Variants in TMEM74 observed in about 807,000 individuals in gnomAD.
TMEM74 encodes the protein transmembrane protein 74.
TMEM74 carries 13 observed loss-of-function variants against 18.1 expected under a neutral mutation model. That is an observed-to-expected ratio of 0.72 (90% CI 0.47 to 1.14). TMEM74 has a LOEUF of 1.14. TMEM74 is among the 50% of genes most tolerant of loss of function. TMEM74 has a pLI of 0.00. For synonymous variants in TMEM74, 159 were observed against 146.6 expected, an observed-to-expected ratio of 1.08 and a Z score of -0.61; for missense variants, 372 against 375.9, an observed-to-expected ratio of 0.99 and a Z score of 0.09.
chr8:108,652,744 A>T lies in TMEM74; in HGVS notation n.264+2549T>A. ...CTAAGCAAAGAGATTCTTTTGGAAG[A>T]CAAACACTCAGGACAAAGGCTGTGT... On this transcript the variant is annotated intron_variant and non_coding_transcript_variant, in intron 2 of 3. Coordinates refer to the TMEM74 transcript ENST00000518838. The T allele has an allele frequency of 5.8e-6, 3 of 521,132 alleles. No homozygotes were observed. The South Asian group carries it at 6.0e-5, about 10-fold the overall frequency. 32.3% of individuals were successfully genotyped at this position (521,132 alleles called of 1,614,324 possible).
At chr8:108,757,338 T>C (rs939587031) in intron 1 of TMEM74, among the ~76,000 whole-genome samples, 1 of 152,108 alleles carries the variant, frequency 6.6e-6, no homozygotes, top group African/African-American at 2.4e-5. Flanking sequence ...TATGTAACCC[T>C]AGTTAATAAA....
chr8:108,704,557 C>T (rs368178352), intron 1 of TMEM74, among the ~76,000 whole-genome samples: 1 of 97,522 alleles, frequency 1.0e-5, no homozygotes, highest in Non-Finnish European at 2.4e-5. Flanking sequence ...CTACCATTAT[C>T]TTATCTTCCA....
intron 1 of TMEM74, among the ~76,000 whole-genome samples, chr8:108,765,120 A>G (rs113258934): frequency 6.6e-6 from 1 of 152,188 alleles, no homozygotes; most frequent in African/African-American, 2.4e-5. Flanking sequence ...AAATAGGTGT[A>G]AGAAATAGGT....
At chr8:108,620,627 G>C (rs1049070601) in intron 2 of TMEM74, among the ~76,000 whole-genome samples, 1 of 152,124 alleles carries the variant, frequency 6.6e-6, no homozygotes, top group Non-Finnish European at 1.5e-5. Context: ...TATGTTTCCA[G>C]GTTTGTGTAT....
chr8:108,724,569 T>G (rs1813615203), intron 1 of TMEM74, among the ~76,000 whole-genome samples: 1 of 152,192 alleles, frequency 6.6e-6, no homozygotes, highest in Non-Finnish European at 1.5e-5. Flanking sequence ...ATTTTTTCCT[T>G]CTTTCAGAAA....
intron 2 of TMEM74, among the ~76,000 whole-genome samples, chr8:108,625,637 G>A (rs1202199104): frequency 6.6e-6 from 1 of 151,972 alleles, no homozygotes; most frequent in African/African-American, 2.4e-5. Context: ...AATGTTTGCA[G>A]AGTATACTTT....
downstream of TMEM74, among the ~76,000 whole-genome samples, chr8:108,774,264 A>G (rs1476475953): frequency 6.6e-6 from 1 of 152,192 alleles, no homozygotes; most frequent in Non-Finnish European, 1.5e-5. Flanking sequence ...CCTCCCTTGC[A>G]GCTGGATGTG....
At chr8:108,685,669 G>A (rs1422621883) in intron 1 of TMEM74, among the ~76,000 whole-genome samples, 1 of 151,820 alleles carries the variant, frequency 6.6e-6, no homozygotes, top group Non-Finnish European at 1.5e-5. Flanking sequence ...AATGCAATGA[G>A]GCAAAAAGAA....
intron 1 of TMEM74, among the ~76,000 whole-genome samples, chr8:108,754,780 GA>G (rs1305161463): frequency 6.6e-6 from 1 of 151,704 alleles, no homozygotes; most frequent in African/African-American, 2.4e-5. Context: ...GAAGACACAG[GA>G]AAGTGCATGA....
chr8:108,630,507 C>T (rs1462619569), intron 2 of TMEM74, among the ~76,000 whole-genome samples: 1 of 152,128 alleles, frequency 6.6e-6, no homozygotes, highest in African/African-American at 2.4e-5. Flanking sequence ...ACTCTCCATC[C>T]CAAATCAACA....
intron 1 of TMEM74, among the ~76,000 whole-genome samples, chr8:108,715,801 A>G (rs553444915): frequency 6.6e-6 from 1 of 152,240 alleles, no homozygotes; most frequent in East Asian, 1.9e-4. Flanking sequence ...CTAAGAAGAC[A>G]TAAAACAAAA....
intron 1 of TMEM74, among the ~76,000 whole-genome samples, chr8:108,708,809 CAAAAAAAAAAAA>C (rs71564016): frequency 5.6e-5 from 1 of 17,942 alleles, no homozygotes; most frequent in Non-Finnish European, 8.4e-5. Context: ...AACTCAATAG[CAAAAAAAAAAAA>C]AAAAAAAAAA....
chr8:108,739,470 G>T (rs981530281), intron 1 of TMEM74, among the ~76,000 whole-genome samples: 1 of 152,200 alleles, frequency 6.6e-6, no homozygotes, highest in Non-Finnish European at 1.5e-5. Context: ...CTTGGGGTGT[G>T]TGGGTTACTT....
At chr8:108,627,290 C>T (rs1245261423) in intron 2 of TMEM74, among the ~76,000 whole-genome samples, 5 of 151,926 alleles carry the variant, frequency 3.3e-5, no homozygotes, top group Non-Finnish European at 7.4e-5. Flanking sequence ...ATATGGTATC[C>T]AGCTCCTGTG....
chr8:108,776,250 C>T (rs1487513826), downstream of TMEM74, among the ~76,000 whole-genome samples: 5 of 152,198 alleles, frequency 3.3e-5, no homozygotes, highest in South Asian at 2.1e-4. Context: ...CCCAACACTT[C>T]GGGCAGCCGA....
intron 1 of TMEM74, among the ~76,000 whole-genome samples, chr8:108,760,062 A>T (rs1346303193): frequency 6.6e-6 from 1 of 151,846 alleles, no homozygotes; most frequent in Non-Finnish European, 1.5e-5. Context: ...AGTTGTAGCT[A>T]CTCAGGAGGC....
At chr8:108,624,829 G>A (rs768911305) in intron 2 of TMEM74, among the ~76,000 whole-genome samples, 27 of 151,844 alleles carry the variant, frequency 1.8e-4, no homozygotes, top group Admixed American at 9.2e-4. Context: ...ATAACGTGCT[G>A]AATGAAATTA....
At chr8:108,660,510 G>A (rs1420212894) in intron 1 of TMEM74, among the ~76,000 whole-genome samples, 1 of 152,126 alleles carries the variant, frequency 6.6e-6, no homozygotes, top group African/African-American at 2.4e-5. Flanking sequence ...CAACTCCATA[G>A]CAGAAACCTT....
At chr8:108,673,657 A>G (rs185637283) in intron 1 of TMEM74, among the ~76,000 whole-genome samples, 3 of 152,342 alleles carry the variant, frequency 2.0e-5, no homozygotes, top group African/African-American at 7.2e-5. Flanking sequence ...GATAAAGACT[A>G]TGCTTAAAAT....
Sources: gnomAD v4.1 joint callset for allele counts (sites outside exome capture counted in the v4.1 genomes callset) on GRCh38, gnomAD v4.1.1 for gene constraint, MANE v1.5 for transcripts, NCBI Gene and HGNC (gene_info 2026-07-23, HGNC 2026-07-21) for gene names.